ZYG11B: variants seen among roughly 807,000 people sequenced by gnomAD.
The protein encoded by ZYG11B is zyg-11 family member B, cell cycle regulator.
ZYG11B carries 36 observed loss-of-function variants against 82.4 expected under a neutral mutation model. The observed-to-expected ratio is 0.44, with a 90% CI of 0.33 to 0.58. ZYG11B has a LOEUF of 0.58. Among genes scored for constraint, ZYG11B ranks in the 20% least tolerant of loss-of-function variants. ZYG11B has a pLI of 0.02. For missense variants in ZYG11B, 552 were observed against 895.6 expected, an observed-to-expected ratio of 0.62 and a Z score of 4.90; for synonymous variants, 303 against 312.8, an observed-to-expected ratio of 0.97 and a Z score of 0.33.
chr1:52,774,583 A>G (rs894566083), intron 3 of ZYG11B, among the ~76,000 whole-genome samples: 1 of 144,594 alleles, frequency 6.9e-6, no homozygotes, highest in Admixed American at 6.9e-5. Context: ...CTAGGATTAC[A>G]GGCGTGAGCC....
At chr1:52,733,970 A>G (rs1463737383) in intron 1 of ZYG11B, among the ~76,000 whole-genome samples, 1 of 152,184 alleles carries the variant, frequency 6.6e-6, no homozygotes, top group Non-Finnish European at 1.5e-5. Flanking sequence ...ATTCAAAAAT[A>G]TACAAATTGA....
chr1:52,808,503 A>T (rs914283474), intron 10 of ZYG11B, among the ~76,000 whole-genome samples: 2 of 152,118 alleles, frequency 1.3e-5, no homozygotes, highest in East Asian at 3.8e-4. Flanking sequence ...GTTTTCATCA[A>T]GTTTGGAAAG....
intron 8 of ZYG11B, among the ~76,000 whole-genome samples, chr1:52,801,215 G>A: frequency 6.6e-6 from 1 of 152,084 alleles, no homozygotes; most frequent in Non-Finnish European, 1.5e-5. Flanking sequence ...TCTCAGGGAA[G>A]GCTGAGGAGG....
chr1:52,771,225 C>T lies in ZYG11B; in HGVS notation c.402C>T (p.Ile134=), dbSNP rs1311363457. 3 of 1,614,180 alleles carry T rather than the reference C, an allele frequency of 1.9e-6. No homozygotes were observed. The highest frequency in any genetic ancestry group is 2.2e-5 in the South Asian group (2 of 91,074). The change falls in exon 3 of 14, where the codon ATC becomes ATT. Residue 134 remains isoleucine (I), a synonymous_variant. Coordinates refer to ENST00000294353, the MANE Select transcript of ZYG11B (RefSeq NM_024646.3). This position sits in a 1 kb window ranked among gnomAD's most constrained non-coding sequence, Gnocchi z 5.4. Reference sequence around the variant, plus strand: ...GTGGGCTTGGCAGTAACAAATGGATCCAGCAGAATCTCCAGTGCCTGGTGC... The same window carrying T: ...GTGGGCTTGGCAGTAACAAATGGATTCAGCAGAATCTCCAGTGCCTGGTGC... ...IISGLGSNKW[I]QQNLQCLVLN...
intron 1 of ZYG11B, among the ~76,000 whole-genome samples, chr1:52,754,772 T>G (rs1419611984): frequency 6.6e-6 from 1 of 152,206 alleles, no homozygotes; most frequent in Non-Finnish European, 1.5e-5. Flanking sequence ...TAAGAAACTT[T>G]ACTGATCTAA....
At chr1:52,732,629 G>A (rs1276904671) in intron 1 of ZYG11B, among the ~76,000 whole-genome samples, 2 of 152,170 alleles carry the variant, frequency 1.3e-5, no homozygotes, top group African/African-American at 4.8e-5. Context: ...GCTGAGCGTG[G>A]TGGCACACAC....
chr1:52,805,998 T>C (rs959171118), intron 10 of ZYG11B, among the ~76,000 whole-genome samples: 12 of 151,818 alleles, frequency 7.9e-5, no homozygotes, highest in African/African-American at 2.9e-4. Context: ...TTTATCTCCA[T>C]GAAGTTATTA....
chr1:52,797,381 AATAC>A (rs1253803491), intron 8 of ZYG11B, among the ~76,000 whole-genome samples: 11 of 109,296 alleles, frequency 1.0e-4, no homozygotes, highest in East Asian at 9.7e-4. Context: ...TATAATATAT[AATAC>A]ATATATATCA....
At chr1:52,744,326 G>A (rs1016065956) in intron 1 of ZYG11B, among the ~76,000 whole-genome samples, 1 of 152,160 alleles carries the variant, frequency 6.6e-6, no homozygotes, top group African/African-American at 2.4e-5. Context: ...ATGCTGTACA[G>A]GTTTTTGCAT....
At chr1:52,815,992 CTGTT>C (rs1378234700) in intron 12 of ZYG11B, among the ~76,000 whole-genome samples, 6 of 152,066 alleles carry the variant, frequency 3.9e-5, no homozygotes, top group African/African-American at 7.2e-5. Context: ...ATGCCTAACT[CTGTT>C]TGTAATTAGA....
intron 2 of ZYG11B, among the ~76,000 whole-genome samples, chr1:52,767,035 T>G (rs1644696608): frequency 6.7e-6 from 1 of 150,324 alleles, no homozygotes; most frequent in Non-Finnish European, 1.5e-5. Context: ...TTATTTTATT[T>G]ATTTTATGTT....
At chr1:52,808,055 G>T (rs968440505) in intron 10 of ZYG11B, among the ~76,000 whole-genome samples, 2 of 151,886 alleles carry the variant, frequency 1.3e-5, no homozygotes, top group African/African-American at 4.8e-5. Context: ...TTTTCCTCTG[G>T]CTACTTTTAA....
intron 2 of ZYG11B, among the ~76,000 whole-genome samples, chr1:52,763,079 C>G (rs10888754): frequency 0.49 from 73,909 of 151,588 alleles, 18,471 homozygotes; most frequent in East Asian, 0.62. Flanking sequence ...GTCATTGGTG[C>G]CTTTGTCAAA....
At chr1:52,770,660 A>G (rs1190154241) in intron 2 of ZYG11B, among the ~76,000 whole-genome samples, 1 of 152,218 alleles carries the variant, frequency 6.6e-6, no homozygotes, top group African/African-American at 2.4e-5. Flanking sequence ...ACTGGCTCTC[A>G]GGTGCTTCAA....
intron 8 of ZYG11B, among the ~76,000 whole-genome samples, chr1:52,798,139 A>G (rs1160810875): frequency 2.0e-5 from 3 of 150,906 alleles, no homozygotes; most frequent in Non-Finnish European, 4.4e-5. Flanking sequence ...AACAACAAAA[A>G]ATTTTTTTTT....
chr1:52,801,061 A>G (rs1215301364), intron 8 of ZYG11B, among the ~76,000 whole-genome samples: 10 of 152,154 alleles, frequency 6.6e-5, no homozygotes, highest in African/African-American at 2.4e-4. Flanking sequence ...GGGTAAAGCT[A>G]TGATAGAACT....
intron 4 of ZYG11B, among the ~76,000 whole-genome samples, chr1:52,783,820 ATG>A (rs1415249980): frequency 3.8e-4 from 29 of 75,460 alleles, no homozygotes; most frequent in African/African-American, 8.7e-4. Context: ...ACACACGTAT[ATG>A]TATACATACG....
In ZYG11B at chr1:52,726,493, C is replaced by A. The variant is rs936593899; in HGVS notation, c.-161C>A. On this transcript the variant is annotated 5_prime_UTR_variant, in exon 1 of 14. The change creates a new upstream start codon in the 5' untranslated region. Transcript: ENST00000294353. Reference sequence around the variant, plus strand: ...GTTCGGGCTGCGGCTGCGGCTGCGGCTGCGGCTGCTACTGCTACGCTCCTA... The same window carrying A: ...GTTCGGGCTGCGGCTGCGGCTGCGGATGCGGCTGCTACTGCTACGCTCCTA... The A allele has an allele frequency of 3.3e-6, 2 of 615,010 alleles. No homozygotes were observed. Among genetic ancestry groups the A allele is most frequent in the Non-Finnish European group, 2.4e-6 (1 of 422,350 alleles). The allele number at this position is 615,010 out of a possible 1,614,324, so 38.1% of individuals were successfully genotyped here.
chr1:52,794,885 T>A (rs1487805318), intron 6 of ZYG11B, among the ~76,000 whole-genome samples: 3 of 152,196 alleles, frequency 2.0e-5, no homozygotes, highest in African/African-American at 7.2e-5. Flanking sequence ...CTAAAAGTGA[T>A]TTCTCTCCTG....
Sources: allele counts gnomAD v4.1 joint callset (sites outside exome capture counted in the v4.1 genomes callset), GRCh38; gene constraint gnomAD v4.1.1; non-coding constraint Gnocchi (gnomAD v3.1); transcripts MANE v1.5; gene names NCBI Gene and HGNC (gene_info 2026-07-23, HGNC 2026-07-21).